The following CHRM3 variants were observed in gnomAD, a reference collection of about 807,000 sequenced individuals.
CHRM3 encodes the protein cholinergic receptor muscarinic 3.
In CHRM3, 11 loss-of-function variants were observed where a neutral mutation model predicts 41.8. That is an observed-to-expected ratio of 0.26 (90% CI 0.17 to 0.44). The LOEUF (loss-of-function observed/expected upper bound fraction) is 0.44. Ranked by LOEUF, CHRM3 falls within the 20% of genes least tolerant of loss-of-function variation. The pLI is 1.00. For synonymous variants in CHRM3, 297 were observed against 301.4 expected, an observed-to-expected ratio of 0.99 and a Z score of 0.15; for missense variants, 571 against 745.4, an observed-to-expected ratio of 0.77 and a Z score of 2.72.
chr1:239,584,629 G>T (rs775730714), intron 3 of CHRM3, among the ~76,000 whole-genome samples: 6 of 152,162 alleles, frequency 3.9e-5, no homozygotes, highest in Non-Finnish European at 7.4e-5. Context: ...CATAACAGAT[G>T]AATTCTTTAG....
intron 2 of CHRM3, among the ~76,000 whole-genome samples, chr1:239,535,766 C>A (rs1278926028): frequency 1.3e-5 from 2 of 151,948 alleles, no homozygotes; most frequent in Admixed American, 1.3e-4. Context: ...TCCCTAGGAT[C>A]AAGGAGACAA....
At chr1:239,498,903 A>C (rs1040974545) in intron 2 of CHRM3, among the ~76,000 whole-genome samples, 45 of 152,278 alleles carry the variant, frequency 3.0e-4, no homozygotes, top group African/African-American at 1.1e-3. Flanking sequence ...AGTATGCTAT[A>C]ACTGTTTTAT....
intron 1 of CHRM3, among the ~76,000 whole-genome samples, chr1:239,475,850 G>A (rs1200606604): frequency 6.6e-6 from 1 of 152,052 alleles, no homozygotes; most frequent in Non-Finnish European, 1.5e-5. Context: ...AACATATAGT[G>A]GAAATTTATT....
chr1:239,779,360 G>A (rs1272586025), intron 5 of CHRM3, among the ~76,000 whole-genome samples: 2 of 152,294 alleles, frequency 1.3e-5, no homozygotes, highest in South Asian at 4.1e-4. Flanking sequence ...TTCACTCTTG[G>A]TGTTGTATAT....
At chr1:239,768,367 C>T (rs775306619) in intron 5 of CHRM3, among the ~76,000 whole-genome samples, 21 of 152,062 alleles carry the variant, frequency 1.4e-4, no homozygotes, top group Non-Finnish European at 2.9e-4. Flanking sequence ...GGTAAAATTA[C>T]GTAGCTGTTC....
At chr1:239,696,131 C>G (rs1236693160) in intron 5 of CHRM3, among the ~76,000 whole-genome samples, 1 of 152,044 alleles carries the variant, frequency 6.6e-6, no homozygotes, top group Non-Finnish European at 1.5e-5. Context: ...AATGCCTGGC[C>G]TTGGGTGGGA....
chr1:239,523,092 G>A (rs573780024), intron 2 of CHRM3, among the ~76,000 whole-genome samples: 2 of 151,862 alleles, frequency 1.3e-5, no homozygotes, highest in South Asian at 4.2e-4. Flanking sequence ...ATCCACCTGA[G>A]AAACAGTAGT....
Position 239,510,684 on chromosome 1 carries a change from G to A in CHRM3, c.-422+17877G>A, listed in dbSNP as rs1327850237. 2.0e-5 allele frequency among the ~76,000 whole-genome samples: 3 copies of A among 151,698 alleles called. No homozygotes were observed. In the South Asian group the frequency reaches 6.3e-4, roughly 32 times the overall value. ...CCCAACTAACTGGGATTACAGATGT[G>A]AGCCACCATGCCCAGCTAATTTTGT... On this transcript the variant is annotated intron_variant, in intron 2 of 6. Coordinates refer to ENST00000676153, the MANE Select transcript of CHRM3 (RefSeq NM_001375978.1).
intron 5 of CHRM3, among the ~76,000 whole-genome samples, chr1:239,825,081 A>G (rs1245678867): frequency 6.6e-6 from 1 of 152,202 alleles, no homozygotes; most frequent in Non-Finnish European, 1.5e-5. Context: ...GGGCCAAGCA[A>G]TTTCTTCAGG....
At chr1:239,667,542 C>A (rs898211356) in intron 4 of CHRM3, among the ~76,000 whole-genome samples, 20 of 152,164 alleles carry the variant, frequency 1.3e-4, no homozygotes, top group Non-Finnish European at 5.9e-5. Flanking sequence ...CACTTTTGGG[C>A]AGATGTTAAT....
At chr1:239,556,469 T>A (rs138114553) in intron 3 of CHRM3, among the ~76,000 whole-genome samples, 1 of 152,308 alleles carries the variant, frequency 6.6e-6, no homozygotes, top group African/African-American at 2.4e-5. Context: ...GTTGCCCTTT[T>A]TTTCCACTAC....
At chr1:239,826,573 A>C (rs1053078759) in intron 5 of CHRM3, among the ~76,000 whole-genome samples, 3 of 152,188 alleles carry the variant, frequency 2.0e-5, no homozygotes, top group East Asian at 1.9e-4. Flanking sequence ...AAATTACCTT[A>C]ATCTACAGGA....
intron 1 of CHRM3, among the ~76,000 whole-genome samples, chr1:239,399,460 C>T (rs115455482): frequency 0.036 from 5,472 of 151,976 alleles, 144 homozygotes; most frequent in Non-Finnish European, 0.057. Context: ...CTTATTCATC[C>T]TAAATGAAAC....
intron 3 of CHRM3, among the ~76,000 whole-genome samples, chr1:239,561,481 A>G (rs1339240553): frequency 3.9e-5 from 6 of 152,038 alleles, no homozygotes; most frequent in Non-Finnish European, 7.4e-5. Context: ...GATTCACTGG[A>G]AGTTCCATCT....
chr1:239,845,555 C>T (rs114678589), intron 6 of CHRM3, among the ~76,000 whole-genome samples: 2,371 of 152,286 alleles, frequency 0.016, 34 homozygotes, highest in Non-Finnish European at 0.021. Context: ...GCGTGTCACC[C>T]GCCCAGCTCT....
chr1:239,902,302 G>A lies in CHRM3; in HGVS notation c.-19-5131G>A, dbSNP rs191866798. On this transcript the variant is annotated intron_variant, in intron 6 of 6. Transcript: ENST00000676153. The stretch of plus-strand genomic sequence containing the variant: ...CTTCTCCATAATCTACAGATCAGGC[G>A]ATAGTATTCTAGTTTTATAGATGAA... Among the ~76,000 whole-genome samples the A allele has an allele frequency of 1.0e-3, 153 of 152,230 alleles. 1 individual carries two copies. The highest frequency in any genetic ancestry group is 3.4e-3 in the African/African-American group (142 of 41,548).
intron 1 of CHRM3, among the ~76,000 whole-genome samples, chr1:239,390,397 T>C (rs1658922165): frequency 6.6e-6 from 1 of 152,204 alleles, no homozygotes; most frequent in Admixed American, 6.5e-5. Flanking sequence ...AGAGATAATC[T>C]AATGTATATG....
At chr1:239,901,899 T>C (rs1197995311) in intron 6 of CHRM3, among the ~76,000 whole-genome samples, 2 of 152,208 alleles carry the variant, frequency 1.3e-5, no homozygotes, top group East Asian at 1.9e-4. Flanking sequence ...GTTCATGGTG[T>C]ACATGCCTTT....
At chr1:239,900,711 C>G (rs1281582959) in intron 6 of CHRM3, among the ~76,000 whole-genome samples, 2 of 152,040 alleles carry the variant, frequency 1.3e-5, no homozygotes, top group African/African-American at 4.8e-5. Context: ...TGAATATTCC[C>G]TTGGAGGGAC....
Sources: allele counts gnomAD v4.1 joint callset (sites outside exome capture counted in the v4.1 genomes callset), GRCh38; gene constraint gnomAD v4.1.1; transcripts MANE v1.5; gene names NCBI Gene and HGNC (gene_info 2026-07-23, HGNC 2026-07-21).